GBE1: variants seen among roughly 807,000 people sequenced by gnomAD.
GBE1 encodes the protein 1,4-alpha-glucan branching enzyme 1, also known as 1,4-alpha-glucan-branching enzyme.
Under a neutral mutation model 88.8 loss-of-function variants are expected in GBE1, and 70 were observed. The ratio of observed to expected loss-of-function variants is 0.79; its 90% CI spans 0.65 to 0.96. GBE1 has a LOEUF of 0.96. Ranked by LOEUF, GBE1 falls within the 40% of genes least tolerant of loss-of-function variation. The pLI is 0.00. For synonymous variants in GBE1, 284 were observed against 300.1 expected (o/e 0.95, Z 0.56); for missense variants, 872 against 871.0 (o/e 1.00, Z -0.01).
intron 14 of GBE1, among the ~76,000 whole-genome samples, chr3:81,514,859 A>C (rs1419473406): frequency 5.9e-5 from 9 of 151,608 alleles, no homozygotes. Context: ...GGCAGGAGAT[A>C]CTCATTGAAA....
At chr3:81,568,832 ATG>A (rs1259504717) in intron 12 of GBE1, among the ~76,000 whole-genome samples, 5 of 152,124 alleles carry the variant, frequency 3.3e-5, no homozygotes. Context: ...ATATATATGT[ATG>A]TGTGTGTATA....
At chr3:81,751,855 T>C (rs1706531986) in intron 1 of GBE1, among the ~76,000 whole-genome samples, 1 of 152,244 alleles carries the variant, frequency 6.6e-6, no homozygotes, top group Admixed American at 6.5e-5. Context: ...TTATTCATAA[T>C]TAAATATAAC....
chr3:81,671,685 T>C (rs962482977), intron 2 of GBE1, among the ~76,000 whole-genome samples: 3 of 152,116 alleles, frequency 2.0e-5, no homozygotes, highest in East Asian at 3.8e-4. Flanking sequence ...TTAATACTTA[T>C]ACATGATAGG....
At chr3:81,616,032 A>T (rs1704243953) in intron 7 of GBE1, among the ~76,000 whole-genome samples, 1 of 152,094 alleles carries the variant, frequency 6.6e-6, no homozygotes, top group Admixed American at 6.5e-5. Flanking sequence ...ATATATTTTC[A>T]TCTGCTTATT....
At chr3:81,703,040 G>A (rs998394483) in intron 2 of GBE1, among the ~76,000 whole-genome samples, 1 of 151,848 alleles carries the variant, frequency 6.6e-6, no homozygotes. Flanking sequence ...ATTAATGGTG[G>A]TTCTTATAGT....
At chr3:81,565,192 C>T (rs1280993572) in intron 12 of GBE1, among the ~76,000 whole-genome samples, 1 of 152,120 alleles carries the variant, frequency 6.6e-6, no homozygotes, top group Non-Finnish European at 1.5e-5. Flanking sequence ...TACAACTGCT[C>T]ATATTGAGAA....
rs576817942 is a variant in GBE1, at chr3:81,744,263, C to T, written c.143+17112G>A. Among the ~76,000 whole-genome samples the T allele has an allele frequency of 5.5e-5, 8 of 144,748 alleles. No individual in the cohort carries two copies. The South Asian group carries it at 1.5e-3, about 28-fold the overall frequency. 95.0% of individuals were successfully genotyped at this position (144,748 alleles called of 152,430 possible). On this transcript the variant is annotated intron_variant, in intron 1 of 15. Transcript: ENST00000429644. Reference sequence around the variant, plus strand: ...TCAGATTTCAAAGACTTAGTACAAACGACAGGTAAAATATCTCATCAGTAC... The same window carrying T: ...TCAGATTTCAAAGACTTAGTACAAATGACAGGTAAAATATCTCATCAGTAC...
intron 7 of GBE1, among the ~76,000 whole-genome samples, chr3:81,610,479 G>C (rs1034109869): frequency 6.6e-6 from 1 of 152,094 alleles, no homozygotes; most frequent in Non-Finnish European, 1.5e-5. Context: ...CATAAGAAAA[G>C]ACCTATTTGA....
chr3:81,732,491 CTT>C (rs1293236141), intron 1 of GBE1, among the ~76,000 whole-genome samples: 5 of 152,134 alleles, frequency 3.3e-5, no homozygotes, highest in African/African-American at 1.2e-4. Context: ...GCCCAGGTCA[CTT>C]AAATTTTTTC....
chr3:81,756,798 C>T (rs1706609142), intron 1 of GBE1, among the ~76,000 whole-genome samples: 1 of 152,210 alleles, frequency 6.6e-6, no homozygotes, highest in Non-Finnish European at 1.5e-5. Flanking sequence ...CACAGCTTCA[C>T]TGAGGGCTAA....
At chr3:81,741,854 GT>G (rs977263651) in intron 1 of GBE1, among the ~76,000 whole-genome samples, 3 of 146,992 alleles carry the variant, frequency 2.0e-5, no homozygotes, top group Non-Finnish European at 3.0e-5. Flanking sequence ...ATAATATATA[GT>G]TTTTTATATA....
rs370417249 is a variant in GBE1 at position 81,648,841 on chromosome 3, A to G, written c.691+15T>C. 47 of 1,428,672 alleles carry G rather than the reference A, an allele frequency of 3.3e-5. No homozygotes were observed. In the African/African-American group the frequency reaches 3.8e-4, roughly 12 times the overall value. 88.5% of individuals were successfully genotyped at this position (1,428,672 alleles called of 1,614,324 possible). ...TTAAAATTTTATCTGAATAAAAATC[A>G]CAGTTATTACTTACCAAGGCCTTTG... On this transcript the variant is annotated intron_variant, in intron 5 of 15. Transcript: ENST00000429644.
intron 14 of GBE1, among the ~76,000 whole-genome samples, chr3:81,500,980 G>A (rs1702578662): frequency 6.6e-6 from 1 of 152,076 alleles, no homozygotes; most frequent in Non-Finnish European, 1.5e-5. Context: ...GGGAGGGTGA[G>A]TATGGAAAAA....
At chr3:81,716,618 A>G (rs1007960051) in intron 1 of GBE1, among the ~76,000 whole-genome samples, 1 of 152,202 alleles carries the variant, frequency 6.6e-6, no homozygotes, top group Non-Finnish European at 1.5e-5. Context: ...TATTTATACT[A>G]CATTATTCTA....
At chr3:81,649,950 TA>T in intron 3 of GBE1, 29 bp from the exon 4 acceptor site, 1 of 1,564,226 alleles carries the variant, frequency 6.4e-7, no homozygotes, top group East Asian at 2.3e-5. Flanking sequence ...GTTATTGCTT[TA>T]AAATACATCC....
intron 3 of GBE1, among the ~76,000 whole-genome samples, chr3:81,658,211 CA>C (rs1026932159): frequency 1.3e-5 from 2 of 151,858 alleles, no homozygotes; most frequent in African/African-American, 4.8e-5. Context: ...TAAATACTAA[CA>C]AATCATAATT....
intron 7 of GBE1, among the ~76,000 whole-genome samples, chr3:81,611,586 G>A (rs1265133999): frequency 2.6e-5 from 4 of 152,090 alleles, no homozygotes; most frequent in Admixed American, 2.0e-4. Flanking sequence ...GTCCAAATAC[G>A]AAATGAGCTA....
chr3:81,672,673 T>C (rs1009867056), intron 2 of GBE1, among the ~76,000 whole-genome samples: 2 of 151,960 alleles, frequency 1.3e-5, no homozygotes, highest in African/African-American at 4.8e-5. Flanking sequence ...GCTTCAATAA[T>C]ATCTGTATTA....
chr3:81,516,760 A>C (rs1325374086), intron 14 of GBE1, among the ~76,000 whole-genome samples: 1 of 151,584 alleles, frequency 6.6e-6, no homozygotes, highest in Non-Finnish European at 1.5e-5. Flanking sequence ...AGTTAATTCC[A>C]ACTCTCATAG....
Sources: gnomAD v4.1 joint callset for allele counts (sites outside exome capture counted in the v4.1 genomes callset) on GRCh38, gnomAD v4.1.1 for gene constraint, MANE v1.5 for transcripts, NCBI Gene and HGNC (gene_info 2026-07-23, HGNC 2026-07-21) for gene names.